Variants in GALNTL6 observed in about 807,000 individuals in gnomAD.
The protein encoded by GALNTL6 is polypeptide N-acetylgalactosaminyltransferase-like 6.
In GALNTL6, 46 loss-of-function variants were observed where a neutral mutation model predicts 73.7. The ratio of observed to expected loss-of-function variants is 0.62; its 90% CI spans 0.49 to 0.80. GALNTL6 has a LOEUF of 0.80. GALNTL6 is among the 30% of genes least tolerant of loss of function. GALNTL6 has a pLI of 0.00. For missense variants in GALNTL6, 604 were observed against 755.0 expected (o/e 0.80, Z 2.34); for synonymous variants, 259 against 263.7 (o/e 0.98, Z 0.17).
chr4:172,253,985 T>TA (rs2111020891), intron 3 of GALNTL6, among the ~76,000 whole-genome samples: 1 of 151,920 alleles, frequency 6.6e-6, no homozygotes, highest in South Asian at 2.1e-4. Flanking sequence ...AAAATATGGT[T>TA]ACACCTGCAG....
chr4:172,096,066 TTC>T (rs1016972990), intron 2 of GALNTL6, among the ~76,000 whole-genome samples: 9 of 134,454 alleles, frequency 6.7e-5, no homozygotes, highest in Admixed American at 1.6e-4. Flanking sequence ...TATTTTCGAT[TTC>T]TCTCTCTCTC....
At chr4:171,924,029 A>G (rs1737892456) in intron 2 of GALNTL6, among the ~76,000 whole-genome samples, 1 of 152,066 alleles carries the variant, frequency 6.6e-6, no homozygotes, top group African/African-American at 2.4e-5. Flanking sequence ...TTGGTTGAAA[A>G]TAACTCTTAC....
At chr4:172,026,722 A>G (rs79252533) in intron 2 of GALNTL6, among the ~76,000 whole-genome samples, 1 of 151,918 alleles carries the variant, frequency 6.6e-6, no homozygotes, top group Non-Finnish European at 1.5e-5. Context: ...GAGTGGATTG[A>G]CTCAGTTTGA....
chr4:172,198,693 A>G (rs1735857642), intron 2 of GALNTL6, among the ~76,000 whole-genome samples: 1 of 152,176 alleles, frequency 6.6e-6, no homozygotes, highest in South Asian at 2.1e-4. Flanking sequence ...GGTGCTATCA[A>G]TAATTATGAT....
intron 10 of GALNTL6, among the ~76,000 whole-genome samples, chr4:172,955,569 T>A (rs1749698450): frequency 6.6e-6 from 1 of 152,252 alleles, no homozygotes; most frequent in African/African-American, 2.4e-5. Flanking sequence ...GCGATTTCTT[T>A]TGCCTTTCAG....
At chr4:172,030,359 C>T (rs1741730083) in intron 2 of GALNTL6, among the ~76,000 whole-genome samples, 1 of 151,980 alleles carries the variant, frequency 6.6e-6, no homozygotes, top group East Asian at 1.9e-4. Flanking sequence ...ACCGGGGTAG[C>T]ATGAGGTACC....
chr4:172,396,843 A>C (rs1021870094), intron 5 of GALNTL6, among the ~76,000 whole-genome samples: 1 of 152,242 alleles, frequency 6.6e-6, no homozygotes, highest in Non-Finnish European at 1.5e-5. Context: ...TGAATGCAAT[A>C]GTTAAATAAG....
At chr4:173,012,847 G>A (rs1167526228) in intron 11 of GALNTL6, among the ~76,000 whole-genome samples, 2 of 152,200 alleles carry the variant, frequency 1.3e-5, no homozygotes, top group Admixed American at 1.3e-4. Context: ...ACTCAAATGC[G>A]CCCTGCATGG....
intron 10 of GALNTL6, among the ~76,000 whole-genome samples, chr4:172,966,824 C>T (rs1304425317): frequency 2.0e-5 from 3 of 152,200 alleles, no homozygotes; most frequent in African/African-American, 7.2e-5. Flanking sequence ...TGTAGTGAGC[C>T]GCTGTGTTAG....
intron 12 of GALNTL6, among the ~76,000 whole-genome samples, chr4:173,033,651 G>T (rs1753563002): frequency 6.6e-6 from 1 of 152,142 alleles, no homozygotes; most frequent in South Asian, 2.1e-4. Flanking sequence ...TCACTTTACA[G>T]ATGGAAACCC....
intron 5 of GALNTL6, among the ~76,000 whole-genome samples, chr4:172,792,671 C>CG (rs1553989479): frequency 7.4e-6 from 1 of 135,702 alleles, no homozygotes; most frequent in East Asian, 2.1e-4. Flanking sequence ...CATAGTTTAG[C>CG]TTTTTTTTTT....
intron 2 of GALNTL6, among the ~76,000 whole-genome samples, chr4:172,057,378 G>T (rs769373138): frequency 6.6e-6 from 1 of 151,600 alleles, no homozygotes; most frequent in Non-Finnish European, 1.5e-5. Context: ...GGCGAGACTA[G>T]AAAAAGTAGC....
chr4:172,972,130 T>C (rs144334484), intron 10 of GALNTL6, among the ~76,000 whole-genome samples: 2 of 152,204 alleles, frequency 1.3e-5, no homozygotes, highest in African/African-American at 4.8e-5. Flanking sequence ...CTGCAATTCA[T>C]TGAAAACAAC....
intron 2 of GALNTL6, among the ~76,000 whole-genome samples, chr4:172,166,241 G>A (rs931649463): frequency 3.9e-5 from 6 of 151,994 alleles, no homozygotes; most frequent in Admixed American, 1.3e-4. Flanking sequence ...GGTGGATCAC[G>A]AGGTGAGGAG....
At chr4:172,570,009 C>A (rs1344217853) in intron 5 of GALNTL6, among the ~76,000 whole-genome samples, 3 of 152,058 alleles carry the variant, frequency 2.0e-5, no homozygotes, top group Admixed American at 6.5e-5. Context: ...TCTAATAAGT[C>A]CAGTCTTCAC....
intron 7 of GALNTL6, among the ~76,000 whole-genome samples, chr4:172,849,362 A>T (rs1413818950): frequency 6.6e-6 from 1 of 152,174 alleles, no homozygotes; most frequent in Non-Finnish European, 1.5e-5. Flanking sequence ...AAGTGAAAAA[A>T]TGTCTCATTC....
At position 172,233,932 on chromosome 4, in the gene GALNTL6, A is replaced by T. The variant is rs556691643; in HGVS notation, c.247+4168A>T. 2.0e-5 allele frequency among the ~76,000 whole-genome samples: 3 copies of T among 152,074 alleles called. No homozygotes were observed. In the East Asian group the frequency reaches 5.8e-4, roughly 29 times the overall value. On this transcript the variant is annotated intron_variant, in intron 3 of 12. Transcript: ENST00000506823. Reference sequence around the variant, plus strand: ...TATTATATTTATTTGCTACTTATTTATTATATTTAAGGATGGCTTTGTAAT... The same window carrying T: ...TATTATATTTATTTGCTACTTATTTTTTATATTTAAGGATGGCTTTGTAAT...
rs1185408280 is a variant in GALNTL6 at position 173,040,660 on chromosome 4, G to A, written c.*560G>A. The A allele has an allele frequency of 6.6e-6, 1 of 152,520 alleles. No homozygotes were observed. The highest frequency in any genetic ancestry group is 1.5e-5 in the Non-Finnish European group (1 of 68,032). The allele number at this position is 152,520 out of a possible 1,614,324, so 9.4% of individuals were successfully genotyped here. On this transcript the variant is annotated 3_prime_UTR_variant, in exon 13 of 13. Coordinates refer to ENST00000506823, the MANE Select transcript of GALNTL6 (RefSeq NM_001034845.3). The stretch of plus-strand genomic sequence containing the variant: ...GTTTTTTTTATTTTTATTTTTAAAT[G>A]AGGGTGCAATATCTAATGTAAGACT...
At chr4:171,948,060 G>A (rs918491209) in intron 2 of GALNTL6, among the ~76,000 whole-genome samples, 1 of 152,004 alleles carries the variant, frequency 6.6e-6, no homozygotes, top group African/African-American at 2.4e-5. Flanking sequence ...TGAGATGGGG[G>A]GAATACTGTA....
Sources: gnomAD v4.1 joint callset for allele counts (sites outside exome capture counted in the v4.1 genomes callset) on GRCh38, gnomAD v4.1.1 for gene constraint, MANE v1.5 for transcripts, NCBI Gene and HGNC (gene_info 2026-07-23, HGNC 2026-07-21) for gene names.